The following ZMYM3 variants were observed in gnomAD, a reference collection of about 807,000 sequenced individuals.
The protein encoded by ZMYM3 is zinc finger MYM-type protein 3.
A neutral mutation model predicts 94.2 loss-of-function variants in ZMYM3; 6 were observed. The observed-to-expected ratio is 0.06, with a 90% CI of 0.03 to 0.13. The LOEUF is 0.13. Ranked by LOEUF, ZMYM3 falls within the 10% of genes least tolerant of loss-of-function variation. The pLI is 1.00. For synonymous variants in ZMYM3, 420 were observed against 426.5 expected (o/e 0.98, Z 0.19); for missense variants, 664 against 1,132.6 (o/e 0.59, Z 5.94).
chrX:71,254,571 T>A (rs1307621067), upstream of ZMYM3: 3 of 110,581 alleles, frequency 2.7e-5, no homozygotes, highest in Non-Finnish European at 5.7e-5. Flanking sequence ...ATTCAAATGG[T>A]TCCCGGTCCC....
intron 2 of ZMYM3, among the ~76,000 whole-genome samples, chrX:71,252,341 T>G (rs2030518309): frequency 9.1e-6 from 1 of 109,476 alleles, no homozygotes; most frequent in Non-Finnish European, 1.9e-5. Flanking sequence ...AATTCACTCC[T>G]CCCAACCTAC....
Position 71,248,317 on chromosome X carries a change from G to A in ZMYM3, c.1825-5C>T. On this transcript the variant is annotated splice_polypyrimidine_tract_variant and splice_region_variant and intron_variant, in intron 10 of 24. Coordinates refer to ENST00000314425, the MANE Select transcript of ZMYM3 (RefSeq NM_201599.3). Reference sequence around the variant, plus strand: ...GCAGAACTGGAACACTTGGTCCTGAGGTGGGGGCACAGGGCAGGGAGGACA... The same window carrying A: ...GCAGAACTGGAACACTTGGTCCTGAAGTGGGGGCACAGGGCAGGGAGGACA... 1.4e-5 allele frequency: 17 copies of A among 1,200,095 alleles called. No individual in the cohort carries two copies. The highest frequency in any genetic ancestry group is 1.8e-5 in the South Asian group (1 of 54,790).
chrX:71,243,375 C>A (rs2030029338), intron 21 of ZMYM3, among the ~76,000 whole-genome samples: 1 of 111,461 alleles, frequency 9.0e-6, no homozygotes, highest in South Asian at 3.7e-4. Context: ...ATTACCCCAG[C>A]ACTCAAGGAT....
Position 71,246,492 on chromosome X carries a change from T to G in ZMYM3, c.2433A>C (p.Ser811=). 1 of 1,164,665 alleles carries G rather than the reference T, an allele frequency of 8.6e-7. No homozygotes were observed. Among genetic ancestry groups the G allele is most frequent in the Non-Finnish European group, 1.1e-6 (1 of 871,380 alleles). ...GTGGAGGGGTGGGAGCAGTGGGAGCTGATCGGGTCTTCACAGGGATCTGCA... is the reference window on the plus strand; with the variant it reads ...GTGGAGGGGTGGGAGCAGTGGGAGCGGATCGGGTCTTCACAGGGATCTGCA... The part of the protein sequence containing the change: ...NLGKIPVKTR[S]APTAPTPPPP... Residue 811 remains serine (S), a synonymous_variant, in exon 15 of 25, where the codon TCA becomes TCC. Transcript: ENST00000314425.
chrX:71,246,007 C>A lies in ZMYM3; in HGVS notation c.2664G>T (p.Val888=). 1 of 1,210,744 alleles carries A rather than the reference C, an allele frequency of 8.3e-7. No homozygotes were observed. Among genetic ancestry groups the A allele is most frequent in the Non-Finnish European group, 1.1e-6 (1 of 895,084 alleles). ...PMHLYCQKVP[V]PFSMPIPVPV... is the part of the protein sequence containing the mutation. ...TCACCGGGATAGGCATCGAGAAAGG[C>A]ACCGGGACTTTCTGGCAGTACAGAT... is the stretch of plus-strand genomic sequence containing the variant. Residue 888 remains valine (V), a synonymous_variant, in exon 16 of 25, where the codon GTG becomes GTT. Coordinates refer to ENST00000314425, the MANE Select transcript of ZMYM3 (RefSeq NM_201599.3).
chrX:71,249,183 G>C lies in ZMYM3; in HGVS notation c.1471-14C>G. The C allele has an allele frequency of 8.3e-7, 1 of 1,210,126 alleles. No homozygotes were observed. Among genetic ancestry groups the C allele is most frequent in the Non-Finnish European group, 1.1e-6 (1 of 894,279 alleles). On this transcript the variant is annotated splice_polypyrimidine_tract_variant and intron_variant, in intron 7 of 24. Coordinates refer to ENST00000314425, the MANE Select transcript of ZMYM3 (RefSeq NM_201599.3). ...ACGTGTGTTTTTCTGTGAGGATGGG[G>C]AAGGAGAGGCTGAGGCTGGATTTGT...
Position 71,244,645 on chromosome X carries a change from G to A in ZMYM3, c.3111+145C>T, listed in dbSNP as rs974145851. On this transcript the variant is annotated intron_variant, in intron 19 of 24. Coordinates refer to ENST00000314425, the MANE Select transcript of ZMYM3 (RefSeq NM_201599.3). ...GATGACCTTGTGAGATGGGGGGAGA[G>A]CAAAGTTTGGCTTTATCTCAGTACT... The A allele has an allele frequency of 1.6e-5, 12 of 760,236 alleles. No individual in the cohort carries two copies. The Admixed American group carries it at 1.7e-4, about 11-fold the overall frequency. 62.7% of individuals were successfully genotyped at this position (760,236 alleles called of 1,213,427 possible). A position where few individuals can be genotyped will look rare whatever the true frequency, so the allele number is the denominator to read the frequency against.
chrX:71,249,363 A>G (rs1054882817), intron 7 of ZMYM3, 98 bp downstream of exon 7: 1 of 1,127,888 alleles, frequency 8.9e-7, no homozygotes, highest in African/African-American at 1.9e-5. Context: ...TATTTGTTTT[A>G]TTTCTCCCAG....
Position 71,243,819 on chromosome X carries a change from C to T in ZMYM3, c.3432+10G>A, listed in dbSNP as rs370349203. On this transcript the variant is annotated intron_variant, in intron 21 of 24. Coordinates refer to ENST00000314425, the MANE Select transcript of ZMYM3 (RefSeq NM_201599.3). ...GAGTGACAGGAAGTGAGGTGGTGCA[C>T]AAGAGGTACCTGCTGGATGCCAAGA... is the stretch of plus-strand genomic sequence containing the variant. 7.5e-6 allele frequency: 9 copies of T among 1,208,043 alleles called. No homozygotes were observed. The African/African-American group carries it at 1.4e-4, about 19-fold the overall frequency.
chrX:71,241,458 A>C, intron 23 of ZMYM3, 114 bp from the exon 24 acceptor site: 92 of 536,243 alleles, frequency 1.7e-4, no homozygotes, highest in Non-Finnish European at 2.2e-4. Flanking sequence ...TTACAGTCTC[A>C]TCAAGATGGA....
intron 21 of ZMYM3, 198 bp downstream of exon 21, chrX:71,243,618 TCATTAAAAAAATA>T: frequency 1.7e-5 from 7 of 410,998 alleles, no homozygotes; most frequent in African/African-American, 7.4e-5. Context: ...CTTTTTTTTT[TCATTAAAAAAATA>T]TTTTTTGGGT....
At chrX:71,244,059 C>G in intron 20 of ZMYM3, 79 bp from the exon 21 acceptor site, 2 of 1,110,732 alleles carry the variant, frequency 1.8e-6, no homozygotes, top group Non-Finnish European at 2.4e-6. Context: ...TCACCATTAA[C>G]CCCTCCATCC....
chrX:71,248,105 C>T, intron 11 of ZMYM3, 57 bp downstream of exon 11: 2 of 1,197,106 alleles, frequency 1.7e-6, no homozygotes, highest in South Asian at 3.6e-5. Flanking sequence ...CCTCCCTTCT[C>T]CTCCATTCTC....
chrX:71,241,088 C>T lies in ZMYM3; in HGVS notation c.3941G>A (p.Arg1314His). 1.7e-6 allele frequency: 2 copies of T among 1,208,725 alleles called. No individual in the cohort carries two copies. The highest frequency in any genetic ancestry group is 2.2e-6 in the Non-Finnish European group (2 of 894,027). Reference sequence around the variant, plus strand: ...AGGTTGCAGGTAGAACACATCGTTGCGAGTCCGGAGGCTTTCAGGACTGCA... The same window carrying T: ...AGGTTGCAGGTAGAACACATCGTTGTGAGTCCGGAGGCTTTCAGGACTGCA... ...LSKCPESLRT[R>H]NDVFYLQPER... Residue 1314 changes from arginine (R) to histidine (H), a missense_variant, in exon 25 of 25, where the codon CGC (arginine) becomes CAC (histidine). Arg to His is a conservative substitution (Grantham distance 29, BLOSUM62 0). Coordinates refer to ENST00000314425, the MANE Select transcript of ZMYM3 (RefSeq NM_201599.3).
chrX:71,246,731 C>G (rs1482753521), intron 13 of ZMYM3, 39 bp from the exon 14 acceptor site: 4 of 1,148,732 alleles, frequency 3.5e-6, no homozygotes, highest in Non-Finnish European at 3.5e-6. Flanking sequence ...ATCCAAGGGA[C>G]TAGCTCTCCA....
At chrX:71,247,685 C>T (rs1297874406) in intron 12 of ZMYM3, 49 bp downstream of exon 12, 2 of 1,183,107 alleles carry the variant, frequency 1.7e-6, no homozygotes, top group Non-Finnish European at 1.1e-6. Flanking sequence ...ACAGCCCGTG[C>T]TCCCCACTGC....
upstream of ZMYM3, chrX:71,255,134 CTCTCTCTCTCTCTCTG>C (rs2030705429): frequency 1.1e-5 from 1 of 91,093 alleles, no homozygotes; most frequent in Non-Finnish European, 2.2e-5. Flanking sequence ...CTCTCTCTCT[CTCTCTCTCTCTCTCTG>C]TATCTCTCTC....
intron 2 of ZMYM3, chrX:71,251,961 G>T: frequency 1.7e-6 from 1 of 598,921 alleles, no homozygotes; most frequent in Non-Finnish European, 2.0e-6. Flanking sequence ...GGAAGCATCA[G>T]TGTATGGGTA....
intron 6 of ZMYM3, 102 bp downstream of exon 6, chrX:71,249,924 C>A: frequency 1.9e-6 from 2 of 1,080,275 alleles, no homozygotes; most frequent in Non-Finnish European, 2.4e-6. Context: ...CTTTCCTCCC[C>A]ACTCCCCTTT....
Sources: allele counts gnomAD v4.1 joint callset (sites outside exome capture counted in the v4.1 genomes callset), GRCh38; gene constraint gnomAD v4.1.1; transcripts MANE v1.5; gene names NCBI Gene and HGNC (gene_info 2026-07-23, HGNC 2026-07-21).